TAF5L: variants seen among roughly 807,000 people sequenced by gnomAD.
The protein encoded by TAF5L is TATA-box binding protein associated factor 5 like, also known as TAF5-like RNA polymerase II p300/CBP-associated factor-associated factor 65 kDa subunit 5L.
In TAF5L, 7 loss-of-function variants were observed where a neutral mutation model predicts 51.3. That is an observed-to-expected ratio of 0.14 (90% CI 0.08 to 0.26). TAF5L has a LOEUF of 0.26. Ranked by LOEUF, TAF5L falls within the 10% of genes least tolerant of loss-of-function variation. TAF5L has a pLI of 1.00. For synonymous variants in TAF5L, 291 were observed against 308.1 expected (o/e 0.94, Z 0.58); for missense variants, 575 against 758.9 (o/e 0.76, Z 2.85).
intron 3 of TAF5L, among the ~76,000 whole-genome samples, chr1:229,608,984 A>G (rs1664697645): frequency 6.6e-6 from 1 of 152,222 alleles, no homozygotes; most frequent in African/African-American, 2.4e-5. Context: ...TGCCTGGGCA[A>G]CAGAACAATA....
chr1:229,603,783 G>A (rs1664479348), intron 3 of TAF5L, among the ~76,000 whole-genome samples: 1 of 152,196 alleles, frequency 6.6e-6, no homozygotes, highest in Non-Finnish European at 1.5e-5. Flanking sequence ...AAGAACAGAG[G>A]TATAATTGAC....
Position 229,594,199 on chromosome 1 carries a change from G to C in TAF5L, c.*98C>G. ...GGGCCCAGGAGAGAGGGGAGGAGGG[G>C]GCTCTTTCACAGTCAATGATTCAAT... On this transcript the variant is annotated 3_prime_UTR_variant, in exon 5 of 5. Transcript: ENST00000258281. This position sits in a 1 kb window ranked among gnomAD's most constrained non-coding sequence, Gnocchi z 7.9. 7.5e-7 allele frequency: 1 copy of C among 1,330,034 alleles called. No individual in the cohort carries two copies. Among genetic ancestry groups the C allele is most frequent in the Non-Finnish European group, 1.0e-6 (1 of 976,744 alleles). The allele number at this position is 1,330,034 out of a possible 1,614,324, so 82.4% of individuals were successfully genotyped here. A position where few individuals can be genotyped will look rare whatever the true frequency, so the allele number is the denominator to read the frequency against.
In TAF5L at chr1:229,594,524, T is replaced by C. The variant is rs1264908835; in HGVS notation, c.1543A>G (p.Ser515Gly). The change falls in exon 5 of 5, where the codon AGC (serine) becomes GGC (glycine). Residue 515 changes from serine (S) to glycine (G), a missense_variant. Transcript: ENST00000258281. The surrounding 1 kb of genome is among the most constrained non-coding windows in gnomAD (Gnocchi z 7.9). ...CCGCTGTCTGGACTGAAGGTGAGGC[T>C]GGTGATATTGTCTGTGTGGCCTCTC... The C allele has an allele frequency of 1.2e-6, 2 of 1,613,950 alleles. No homozygotes were observed. Among genetic ancestry groups the C allele is most frequent in the African/African-American group, 2.7e-5 (2 of 74,930 alleles).
At position 229,625,237 on chromosome 1, in the gene TAF5L, G is replaced by A. The variant is rs373412143; in HGVS notation, c.-4+648C>T. Among the ~76,000 whole-genome samples, 4 of 152,146 alleles carry A rather than the reference G, an allele frequency of 2.6e-5. No homozygotes were observed. In the East Asian group the frequency reaches 7.7e-4, roughly 29 times the overall value. The stretch of plus-strand genomic sequence containing the variant: ...TTATCGAATACATTTTCAAAAGCCT[G>A]GCAGCTTCGCGAGCTGGAGGTGGTG... On this transcript the variant is annotated intron_variant, in intron 1 of 4. Coordinates refer to ENST00000258281, the Ensembl canonical transcript of TAF5L. The surrounding 1 kb of genome is among the most constrained non-coding windows in gnomAD (Gnocchi z 4.0).
intron 2 of TAF5L, among the ~76,000 whole-genome samples, chr1:229,612,275 A>G (rs975665486): frequency 2.6e-5 from 4 of 152,240 alleles, no homozygotes; most frequent in African/African-American, 9.6e-5. Context: ...CTAATAAGCT[A>G]TTCTATTGAA....
intron 1 of TAF5L, among the ~76,000 whole-genome samples, chr1:229,616,676 T>C (rs958483168): frequency 6.6e-6 from 1 of 152,218 alleles, no homozygotes; most frequent in Non-Finnish European, 1.5e-5. Context: ...AACTGATTTG[T>C]GGGAGCCCTT....
Position 229,621,067 on chromosome 1 carries a change from G to T in TAF5L, c.-4+4818C>A, listed in dbSNP as rs112571265. Among the ~76,000 whole-genome samples the T allele has an allele frequency of 2.0e-5, 3 of 152,268 alleles. No individual in the cohort carries two copies. The South Asian group carries it at 6.2e-4, about 32-fold the overall frequency. The stretch of plus-strand genomic sequence containing the variant: ...ACTTTTGGCAAACGACGGAGGTGTT[G>T]TAAGTCTGCACTGTTCACAACAGTA... On this transcript the variant is annotated intron_variant, in intron 1 of 4. Coordinates refer to ENST00000258281, the Ensembl canonical transcript of TAF5L.
chr1:229,601,022 G>A (rs1664353076), intron 4 of TAF5L: 3 of 983,438 alleles, frequency 3.1e-6, no homozygotes, highest in Non-Finnish European at 2.4e-6. Flanking sequence ...AGAGATGTTT[G>A]AAAATTCAAA....
At chr1:229,607,453 G>A (rs897915875) in intron 3 of TAF5L, 45 of 985,410 alleles carry the variant, frequency 4.6e-5, no homozygotes, top group Non-Finnish European at 5.3e-5. Flanking sequence ...CTGTACAGTC[G>A]TCAAGCCTGC....
chr1:229,605,108 GTATATA>G (rs3085931), intron 3 of TAF5L, among the ~76,000 whole-genome samples: 1 of 118,622 alleles, frequency 8.4e-6, no homozygotes, highest in Non-Finnish European at 1.9e-5. Context: ...ATTTTTGTAT[GTATATA>G]TATATATATA....
intron 1 of TAF5L, among the ~76,000 whole-genome samples, chr1:229,617,077 T>A (rs1558153810): frequency 1.3e-5 from 2 of 152,194 alleles, no homozygotes; most frequent in African/African-American, 4.8e-5. Flanking sequence ...GGTTACTTTT[T>A]AATTAAGCTG....
At position 229,594,899 on chromosome 1, in the gene TAF5L, G is replaced by C; in HGVS notation, c.1168C>G (p.Leu390Val). 5.6e-6 allele frequency: 9 copies of C among 1,614,224 alleles called. No individual in the cohort carries two copies. Among genetic ancestry groups the C allele is most frequent in the Non-Finnish European group, 7.6e-6 (9 of 1,180,036 alleles). ...TACAGGCTATATGGACTGATGTCCA[G>C]ATCCCACACAGGATAGGCATGTCCT... Residue 390 changes from leucine (L) to valine (V), a missense_variant, in exon 5 of 5, where the codon CTG becomes GTG. Leu to Val is a conservative substitution (Grantham distance 32). This residue lies in a region of TAF5L where 104 missense variants were observed against 218.3 expected (regional missense o/e 0.48). Coordinates refer to ENST00000258281, the Ensembl canonical transcript of TAF5L. This position sits in a 1 kb window ranked among gnomAD's most constrained non-coding sequence, Gnocchi z 7.9.
chr1:229,622,620 T>C (rs1177534209), intron 1 of TAF5L, among the ~76,000 whole-genome samples: 1 of 152,198 alleles, frequency 6.6e-6, no homozygotes, highest in Non-Finnish European at 1.5e-5. Flanking sequence ...AGTCTTTCTT[T>C]TTAATTTTGA....
At chr1:229,604,756 GAA>G (rs1664519291) in intron 3 of TAF5L, among the ~76,000 whole-genome samples, 2 of 152,152 alleles carry the variant, frequency 1.3e-5, no homozygotes, top group African/African-American at 4.8e-5. Flanking sequence ...ATGGGTAGTG[GAA>G]AGAGGCAACC....
At chr1:229,620,080 TTC>T (rs749395251) in intron 1 of TAF5L, among the ~76,000 whole-genome samples, 3 of 152,070 alleles carry the variant, frequency 2.0e-5, no homozygotes, top group Non-Finnish European at 4.4e-5. Flanking sequence ...TAAAATTCTG[TTC>T]TCTCTCTCCC....
intron 1 of TAF5L, among the ~76,000 whole-genome samples, chr1:229,618,075 C>T (rs995449488): frequency 2.4e-4 from 37 of 152,216 alleles, no homozygotes; most frequent in African/African-American, 7.7e-4. Context: ...TGAGATAAAT[C>T]GGTCCCCTCC....
intron 3 of TAF5L, among the ~76,000 whole-genome samples, chr1:229,605,128 A>ATATATATATATATATATATATATTTTT (rs1340196774): frequency 4.1e-5 from 6 of 145,092 alleles, no homozygotes; most frequent in African/African-American, 1.6e-4. Context: ...ATATATATGT[A>ATATATATATATATATATATATATTTTT]TTTTTTTTTT....
At chr1:229,605,444 C>T (rs914558130) in intron 3 of TAF5L, among the ~76,000 whole-genome samples, 7 of 152,172 alleles carry the variant, frequency 4.6e-5, no homozygotes, top group South Asian at 2.1e-4. Flanking sequence ...GAAGTATGAA[C>T]TTGTTATTCT....
Position 229,594,163 on chromosome 1 carries a change from G to T in TAF5L, c.*134C>A. The T allele has an allele frequency of 3.7e-6, 4 of 1,071,926 alleles. No homozygotes were observed. In the South Asian group the frequency reaches 5.0e-5, roughly 13 times the overall value. 66.4% of individuals were successfully genotyped at this position (1,071,926 alleles called of 1,614,324 possible). A position where few individuals can be genotyped will look rare whatever the true frequency, so the allele number is the denominator to read the frequency against. ...TGGGGGGCTGAGTGAAGGGGGACCTGCCCGGAATGAGGGCCCAGGAGAGAG... is the reference window on the plus strand; with the variant it reads ...TGGGGGGCTGAGTGAAGGGGGACCTTCCCGGAATGAGGGCCCAGGAGAGAG... On this transcript the variant is annotated 3_prime_UTR_variant, in exon 5 of 5. Coordinates refer to ENST00000258281, the Ensembl canonical transcript of TAF5L. This position sits in a 1 kb window ranked among gnomAD's most constrained non-coding sequence, Gnocchi z 7.9.
Sources: allele counts gnomAD v4.1 joint callset (sites outside exome capture counted in the v4.1 genomes callset), GRCh38; gene constraint gnomAD v4.1.1; regional missense constraint gnomAD v4.1.1; non-coding constraint Gnocchi (gnomAD v3.1); transcripts MANE v1.5; gene names NCBI Gene and HGNC (gene_info 2026-07-23, HGNC 2026-07-21).